Variants in POMGNT1 observed in about 807,000 individuals in gnomAD.
The protein encoded by POMGNT1 is protein O-linked mannose N-acetylglucosaminyltransferase 1 (beta 1,2-).
Under a neutral mutation model 95.6 loss-of-function variants are expected in POMGNT1, and 67 were observed. The observed-to-expected ratio is 0.70, with a 90% confidence interval of 0.58 to 0.86. The LOEUF is 0.86. Ranked by LOEUF, POMGNT1 falls within the 40% of genes least tolerant of loss-of-function variation. The pLI is 0.00. For missense variants in POMGNT1, 719 were observed against 855.2 expected, an observed-to-expected ratio of 0.84 and a Z score of 1.99; for synonymous variants, 298 against 317.9, an observed-to-expected ratio of 0.94 and a Z score of 0.66.
At chr1:46,194,198 A>G in intron 9 of POMGNT1, 76 bp downstream of exon 9, 2 of 1,612,264 alleles carry the variant, frequency 1.2e-6, no homozygotes, top group East Asian at 2.2e-5. Context: ...GGGAAAGCCC[A>G]ACCTAGATCA....
At position 46,189,549 on chromosome 1, in the gene POMGNT1, G is replaced by A. The variant is rs752229468; in HGVS notation, c.1804C>T (p.Leu602=). ...QLAKCLHIWD[L]DVRGNHRGLW... is the part of the protein sequence containing the mutation. The stretch of plus-strand genomic sequence containing the variant: ...CCCCGATGGTTGCCACGCACATCCA[G>A]GTCCCAGATATGGAGGCACTAGTGA... The change falls in exon 21 of 22, where the codon CTG becomes TTG. Residue 602 remains leucine, a synonymous_variant. Transcript: ENST00000371984. The A allele has an allele frequency of 1.1e-5, 18 of 1,612,374 alleles. 1 individual carries two copies. The South Asian group carries it at 1.4e-4, about 13-fold the overall frequency.
chr1:46,214,458 A>G (rs1659001248), intron 1 of POMGNT1, among the ~76,000 whole-genome samples: 1 of 152,240 alleles, frequency 6.6e-6, no homozygotes, highest in Non-Finnish European at 1.5e-5. Context: ...ATAAAAGATA[A>G]TACTGTAGCC....
At chr1:46,203,607 G>T in intron 1 of POMGNT1, 1 of 1,599,836 alleles carries the variant, frequency 6.3e-7, no homozygotes, top group Non-Finnish European at 8.5e-7. Flanking sequence ...CAAGATCATG[G>T]CGCTGAAGAT....
At chr1:46,216,109 C>T (rs1659058802) in intron 1 of POMGNT1, among the ~76,000 whole-genome samples, 1 of 132,824 alleles carries the variant, frequency 7.5e-6, no homozygotes, top group African/African-American at 2.8e-5. Flanking sequence ...TGCAGTGGCG[C>T]GATCTCGGCT....
intron 5 of POMGNT1, 26 bp downstream of exon 5, chr1:46,195,986 T>C: frequency 6.2e-7 from 1 of 1,614,122 alleles, no homozygotes. Flanking sequence ...TCCAGCCCTC[T>C]GGGTCACCCA....
chr1:46,218,842 G>T (rs1025653431), intron 1 of POMGNT1, among the ~76,000 whole-genome samples: 16 of 151,924 alleles, frequency 1.1e-4, no homozygotes, highest in African/African-American at 3.6e-4. Flanking sequence ...TTCCCCTCTC[G>T]GTGGCTGCTA....
rs747723242 is a variant in POMGNT1 at position 46,189,464 on chromosome 1, G to A, written c.1889C>T (p.Pro630Leu). Residue 630 changes from proline to leucine, a missense_variant, in exon 21 of 22, where the codon CCC becomes CTC. This residue lies in a region of POMGNT1 where 130 missense variants were observed against 149.2 expected (regional missense o/e 0.87). Transcript: ENST00000371984. ...HFLMVGVPAS[P>L]YSVKKPPSVT... is the part of the protein sequence containing the mutation. ...GCAGAAAAGGGTCACTCACGAGTAG[G>A]GGGAAGCCGGGACCCCCACCATCAG... 1.2e-6 allele frequency: 2 copies of A among 1,613,540 alleles called. No individual in the cohort carries two copies. Among genetic ancestry groups the A allele is most frequent in the East Asian group, 2.2e-5 (1 of 44,894 alleles).
At chr1:46,195,086 T>G in intron 6 of POMGNT1, 125 bp from the exon 7 acceptor site, 1 of 836,860 alleles carries the variant, frequency 1.2e-6, no homozygotes, top group South Asian at 1.4e-5. Context: ...AATAACCCTC[T>G]ATGGTTACTC....
At position 46,194,261 on chromosome 1, in the gene POMGNT1, A is replaced by G; in HGVS notation, c.879+13T>C. ...AAGGAGTCCAAACCTCACTGTCTTA[A>G]GGCCCCACTCACTGGGTCAGGGCTG... On this transcript the variant is annotated intron_variant, in intron 9 of 21. Transcript: ENST00000371984. 2 of 1,614,148 alleles carry G rather than the reference A, an allele frequency of 1.2e-6. No homozygotes were observed. Among genetic ancestry groups the G allele is most frequent in the East Asian group, 2.2e-5 (1 of 44,868 alleles).
intron 1 of POMGNT1, 189 bp from the exon 2 acceptor site, chr1:46,198,060 C>A (rs1432305973): frequency 5.2e-6 from 3 of 579,396 alleles, no homozygotes; most frequent in Non-Finnish European, 9.1e-6. Flanking sequence ...CCTGGAAATT[C>A]CCTGAGACTG....
chr1:46,202,119 A>C (rs1180651750), upstream of POMGNT1, among the ~76,000 whole-genome samples: 6 of 150,776 alleles, frequency 4.0e-5, no homozygotes, highest in Admixed American at 1.3e-4. Context: ...AAAAAAAAAA[A>C]CTAAAAGTTA....
intron 1 of POMGNT1, among the ~76,000 whole-genome samples, chr1:46,210,632 T>C (rs903259505): frequency 1.3e-5 from 2 of 152,156 alleles, no homozygotes; most frequent in East Asian, 1.9e-4. Context: ...ACTGGTTTAT[T>C]ATAAGGATAT....
At chr1:46,219,288 T>G (rs1177101100) in intron 1 of POMGNT1, among the ~76,000 whole-genome samples, 1 of 144,698 alleles carries the variant, frequency 6.9e-6, no homozygotes, top group Non-Finnish European at 1.5e-5. Flanking sequence ...AGAGCGAAAC[T>G]CCATTTCAAA....
At chr1:46,208,911 A>C (rs1034082686) in intron 1 of POMGNT1, among the ~76,000 whole-genome samples, 1 of 152,180 alleles carries the variant, frequency 6.6e-6, no homozygotes, top group Non-Finnish European at 1.5e-5. Flanking sequence ...AATAAGAGAC[A>C]AGGTAATAGG....
At chr1:46,217,881 T>C (rs1239648871) in intron 1 of POMGNT1, among the ~76,000 whole-genome samples, 2 of 151,858 alleles carry the variant, frequency 1.3e-5, no homozygotes, top group East Asian at 1.9e-4. Flanking sequence ...GAAAGTTAAG[T>C]CCCTAATCTT....
intron 1 of POMGNT1, among the ~76,000 whole-genome samples, chr1:46,211,439 G>GCACACATACACACACA (rs764949785): frequency 3.4e-4 from 27 of 79,046 alleles, no homozygotes; most frequent in Middle Eastern, 6.8e-3. Flanking sequence ...ATGAAAACCT[G>GCACACATACACACACA]CACACACACA....
upstream of POMGNT1, among the ~76,000 whole-genome samples, chr1:46,202,516 A>G (rs1658562880): frequency 6.6e-6 from 1 of 151,860 alleles, no homozygotes; most frequent in Non-Finnish European, 1.5e-5. Context: ...AACATGGTGA[A>G]ACCCTGTCTC....
chr1:46,193,079 C>A, intron 13 of POMGNT1, 95 bp downstream of exon 13: 1 of 1,603,988 alleles, frequency 6.2e-7, no homozygotes, highest in Non-Finnish European at 8.5e-7. Flanking sequence ...AAGGATGAGG[C>A]CCAGTGAGGG....
intron 1 of POMGNT1, among the ~76,000 whole-genome samples, chr1:46,213,029 G>A (rs1021554250): frequency 1.3e-5 from 2 of 152,046 alleles, no homozygotes; most frequent in East Asian, 1.9e-4. Context: ...GCTTCCCAAA[G>A]TGCTGGGATT....
Sources: allele counts gnomAD v4.1 joint callset (sites outside exome capture counted in the v4.1 genomes callset), GRCh38; gene constraint gnomAD v4.1.1; regional missense constraint gnomAD v4.1.1; transcripts MANE v1.5; gene names NCBI Gene and HGNC (gene_info 2026-07-23, HGNC 2026-07-21).